MLYCD: variants seen among roughly 807,000 people sequenced by gnomAD.
The protein encoded by MLYCD is malonyl-CoA decarboxylase, mitochondrial.
A neutral mutation model predicts 35.8 loss-of-function variants in MLYCD; 27 were observed. The observed-to-expected ratio is 0.75, with a 90% CI of 0.56 to 1.04. The LOEUF is 1.04. Ranked by LOEUF, MLYCD falls within the 50% of genes least tolerant of loss-of-function variation. The probability of loss-of-function intolerance (pLI) is 0.00; values close to 1 mark genes in which losing one functional copy is unlikely to be tolerated. For synonymous variants in MLYCD, 403 were observed against 302.4 expected (o/e 1.33, Z -3.45); for missense variants, 917 against 665.1 (o/e 1.38, Z -4.17).
chr16:83,910,742 G>T (rs969178676), intron 3 of MLYCD, among the ~76,000 whole-genome samples: 2 of 151,744 alleles, frequency 1.3e-5, no homozygotes, highest in South Asian at 2.1e-4. Context: ...TGTGAAGTGA[G>T]CTCCGTCCTA....
chr16:83,907,373 C>T (rs1240596463), intron 2 of MLYCD, among the ~76,000 whole-genome samples: 1 of 152,150 alleles, frequency 6.6e-6, no homozygotes, highest in African/African-American at 2.4e-5. Flanking sequence ...TTAAAGCAAA[C>T]ACACCCATTT....
At chr16:83,904,788 A>G (rs1303057455) in intron 1 of MLYCD, among the ~76,000 whole-genome samples, 1 of 152,150 alleles carries the variant, frequency 6.6e-6, no homozygotes, top group African/African-American at 2.4e-5. Flanking sequence ...TCCAGTGCTG[A>G]GGGTCACCGT....
chr16:83,923,130 C>G lies in MLYCD; in HGVS notation c.*7641C>G, dbSNP rs1907704868. The G allele has an allele frequency of 6.6e-6, 1 of 152,278 alleles. No individual in the cohort carries two copies. Among genetic ancestry groups the G allele is most frequent in the Non-Finnish European group, 1.5e-5 (1 of 68,064 alleles). 9.4% of individuals were successfully genotyped at this position (152,278 alleles called of 1,614,324 possible). Reference sequence around the variant, plus strand: ...CTTCCCTCTGAGGGCTTGACCTTCACTGACCTCCAGGGCAAGAACAACCAA... The same window carrying G: ...CTTCCCTCTGAGGGCTTGACCTTCAGTGACCTCCAGGGCAAGAACAACCAA... On this transcript the variant is annotated 3_prime_UTR_variant, in exon 5 of 5. Transcript: ENST00000262430.
intron 1 of MLYCD, among the ~76,000 whole-genome samples, chr16:83,903,540 A>C (rs1254979717): frequency 6.6e-6 from 1 of 152,168 alleles, no homozygotes; most frequent in East Asian, 1.9e-4. Flanking sequence ...TTCACATACC[A>C]AAATAAGCAG....
Position 83,916,065 on chromosome 16 carries a change from G to T in MLYCD, c.*576G>T. On this transcript the variant is annotated 3_prime_UTR_variant, in exon 5 of 5. Coordinates refer to ENST00000262430, the MANE Select transcript of MLYCD (RefSeq NM_012213.3). ...GGTGTGTGTAGTAAGTTAAATTGTT[G>T]AACACAAAAATGTTGCTGCTTGAGG... 1.0e-6 allele frequency: 1 copy of T among 997,296 alleles called. No homozygotes were observed. The highest frequency in any genetic ancestry group is 1.2e-6 in the Non-Finnish European group (1 of 835,684). 61.8% of individuals were successfully genotyped at this position (997,296 alleles called of 1,614,324 possible). A position where few individuals can be genotyped will look rare whatever the true frequency, so the allele number is the denominator to read the frequency against.
chr16:83,902,388 G>T (rs544837027), intron 1 of MLYCD, among the ~76,000 whole-genome samples: 2 of 151,294 alleles, frequency 1.3e-5, no homozygotes, highest in East Asian at 3.9e-4. Context: ...GCTTAAATCA[G>T]TCTTAGAATA....
chr16:83,909,549 C>T (rs919721069), intron 3 of MLYCD, among the ~76,000 whole-genome samples: 17 of 151,616 alleles, frequency 1.1e-4, no homozygotes, highest in African/African-American at 4.1e-4. Flanking sequence ...GTGCTCTGTG[C>T]CTGTCAGTCT....
chr16:83,899,394 C>A lies in MLYCD; in HGVS notation c.250C>A (p.Arg84=). The A allele has an allele frequency of 6.5e-7, 1 of 1,527,308 alleles. No homozygotes were observed. Among genetic ancestry groups the A allele is most frequent in the Non-Finnish European group, 8.7e-7 (1 of 1,146,368 alleles). 94.6% of individuals were successfully genotyped at this position (1,527,308 alleles called of 1,614,324 possible). The change falls in exon 1 of 5, where the codon CGG becomes AGG. Residue 84 remains arginine (R), a synonymous_variant. Coordinates refer to ENST00000262430, the MANE Select transcript of MLYCD (RefSeq NM_012213.3). ...FYGGLAETAQ[R]AELLGRLARG... is the part of the protein sequence containing the mutation. Reference sequence around the variant, plus strand: ...CGGTGGGCTGGCCGAGACGGCCCAGCGGGCCGAACTGCTGGGCCGCCTGGC... The same window carrying A: ...CGGTGGGCTGGCCGAGACGGCCCAGAGGGCCGAACTGCTGGGCCGCCTGGC...
chr16:83,899,281 G>T lies in MLYCD; in HGVS notation c.137G>T (p.Arg46Leu). The stretch of plus-strand genomic sequence containing the variant: ...CGGGCCATGGACGAGCTGCTGCGCC[G>T]CGCGGTGCCGCCGACGCCGGCCTAC... ...LERAMDELLR[R>L]AVPPTPAYEL... Residue 46 changes from arginine (R) to leucine (L), a missense_variant, in exon 1 of 5, where the codon CGC becomes CTC. Arg to Leu is a moderately radical substitution (Grantham distance 102). Coordinates refer to ENST00000262430, the MANE Select transcript of MLYCD (RefSeq NM_012213.3). 1 of 1,471,708 alleles carries T rather than the reference G, an allele frequency of 6.8e-7. No homozygotes were observed. Among genetic ancestry groups the T allele is most frequent in the African/African-American group, 1.5e-5 (1 of 68,020 alleles). The allele number at this position is 1,471,708 out of a possible 1,614,324, so 91.2% of individuals were successfully genotyped here.
At chr16:83,908,014 A>T in intron 2 of MLYCD, 112 bp from the exon 3 acceptor site, 3 of 1,366,142 alleles carry the variant, frequency 2.2e-6, no homozygotes, top group Non-Finnish European at 3.1e-6. Flanking sequence ...AGAGTCCATT[A>T]AAGCTCTATT....
chr16:83,915,061 A>G lies in MLYCD; in HGVS notation c.1054A>G (p.Asn352Asp). 6.2e-7 allele frequency: 1 copy of G among 1,614,190 alleles called. No individual in the cohort carries two copies. The highest frequency in any genetic ancestry group is 8.5e-7 in the Non-Finnish European group (1 of 1,180,038). ...LNSQTKEHGRNELFTDSECKE... is the reference protein window; with the variant it reads ...LNSQTKEHGRDELFTDSECKE... ...CTCGCAAACGAAGGAGCATGGGAGGAATGAACTCTTTACAGATTCGGAATG... is the reference window on the plus strand; with the variant it reads ...CTCGCAAACGAAGGAGCATGGGAGGGATGAACTCTTTACAGATTCGGAATG... The change falls in exon 5 of 5, where the codon AAT (asparagine) becomes GAT (aspartate). Residue 352 changes from asparagine to aspartate, a missense_variant. By Grantham distance (23) the Asn-to-Asp change is conservative. Transcript: ENST00000262430.
At chr16:83,901,606 C>T (rs1472984487) in intron 1 of MLYCD, among the ~76,000 whole-genome samples, 2 of 152,196 alleles carry the variant, frequency 1.3e-5, no homozygotes, top group Admixed American at 1.3e-4. Flanking sequence ...ATTCTGAATT[C>T]TCTGGTTCTG....
intron 3 of MLYCD, among the ~76,000 whole-genome samples, chr16:83,910,307 A>G (rs532577413): frequency 6.6e-6 from 1 of 152,156 alleles, no homozygotes; most frequent in African/African-American, 2.4e-5. Flanking sequence ...AACCGAAGAA[A>G]GTTTTGTTTT....
rs1299355806 is a variant in MLYCD at position 83,899,285 on chromosome 16, G to T, written c.141G>T (p.Ala47=). 2 of 1,474,154 alleles carry T rather than the reference G, an allele frequency of 1.4e-6. No individual in the cohort carries two copies. The highest frequency in any genetic ancestry group is 1.3e-5 in the South Asian group (1 of 78,282). 91.3% of individuals were successfully genotyped at this position (1,474,154 alleles called of 1,614,324 possible). The change falls in exon 1 of 5, where the codon GCG becomes GCT. Residue 47 remains alanine, a synonymous_variant. Coordinates refer to ENST00000262430, the MANE Select transcript of MLYCD (RefSeq NM_012213.3). ...ERAMDELLRR[A]VPPTPAYELR... ...CCATGGACGAGCTGCTGCGCCGCGC[G>T]GTGCCGCCGACGCCGGCCTACGAGC...
chr16:83,899,195 G>T lies in MLYCD; in HGVS notation c.51G>T (p.Arg17=). Residue 17 remains arginine (R), a synonymous_variant, in exon 1 of 5, where the codon CGG becomes CGT. Coordinates refer to ENST00000262430, the MANE Select transcript of MLYCD (RefSeq NM_012213.3). ...CGGCCAGGCGTCTCCTCCCGCTGCG[G>T]TTGCCCCCGCGGCCGCCCGGGCCCC... ...GLTARRLLPL[R]LPPRPPGPRL... The T allele has an allele frequency of 8.5e-7, 1 of 1,177,124 alleles. No homozygotes were observed. Among genetic ancestry groups the T allele is most frequent in the Non-Finnish European group, 1.0e-6 (1 of 956,598 alleles). 72.9% of individuals were successfully genotyped at this position (1,177,124 alleles called of 1,614,324 possible).
In MLYCD at chr16:83,926,116, C is replaced by T. The variant is rs564204897; in HGVS notation, c.*10627C>T. On this transcript the variant is annotated 3_prime_UTR_variant, in exon 5 of 5. Coordinates refer to ENST00000262430, the MANE Select transcript of MLYCD (RefSeq NM_012213.3). Reference sequence around the variant, plus strand: ...CACTCCTTGCCCAGGGTTCCACAGCCCCTTAAAGGCAGGGTCTTTCTGGCC... The same window carrying T: ...CACTCCTTGCCCAGGGTTCCACAGCTCCTTAAAGGCAGGGTCTTTCTGGCC... The T allele has an allele frequency of 3.5e-4, 53 of 152,438 alleles. No homozygotes were observed. Among genetic ancestry groups the T allele is most frequent in the Middle Eastern group, 3.4e-3 (1 of 294 alleles). 9.4% of individuals were successfully genotyped at this position (152,438 alleles called of 1,614,324 possible).
Position 83,924,436 on chromosome 16 carries a change from G to A in MLYCD, c.*8947G>A, listed in dbSNP as rs1425543168. 1 of 152,244 alleles carries A rather than the reference G, an allele frequency of 6.6e-6. No homozygotes were observed. The highest frequency in any genetic ancestry group is 1.5e-5 in the Non-Finnish European group (1 of 68,076). The allele number at this position is 152,244 out of a possible 1,614,324, so 9.4% of individuals were successfully genotyped here. A position where few individuals can be genotyped will look rare whatever the true frequency, so the allele number is the denominator to read the frequency against. On this transcript the variant is annotated 3_prime_UTR_variant, in exon 5 of 5. Coordinates refer to ENST00000262430, the MANE Select transcript of MLYCD (RefSeq NM_012213.3). Reference sequence around the variant, plus strand: ...CCACCCAGCAGGAGCGCTTGCTTCTGAAGCTCCCGTGCGTCTGTGACAGAG... The same window carrying A: ...CCACCCAGCAGGAGCGCTTGCTTCTAAAGCTCCCGTGCGTCTGTGACAGAG...
rs1314379615 is a variant in MLYCD at position 83,921,565 on chromosome 16, C to T, written c.*6076C>T. On this transcript the variant is annotated 3_prime_UTR_variant, in exon 5 of 5. Coordinates refer to ENST00000262430, the MANE Select transcript of MLYCD (RefSeq NM_012213.3). ...TAGGATGGGTGGATGGATGTATTAACATCCCTTCTCCATGCCTCAGTCCCC... is the reference window on the plus strand; with the variant it reads ...TAGGATGGGTGGATGGATGTATTAATATCCCTTCTCCATGCCTCAGTCCCC... 1 of 152,164 alleles carries T rather than the reference C, an allele frequency of 6.6e-6. No homozygotes were observed. The highest frequency in any genetic ancestry group is 1.5e-5 in the Non-Finnish European group (1 of 68,038). 9.4% of individuals were successfully genotyped at this position (152,164 alleles called of 1,614,324 possible).
intron 1 of MLYCD, among the ~76,000 whole-genome samples, chr16:83,904,992 C>T (rs189556891): frequency 1.3e-5 from 2 of 152,324 alleles, no homozygotes; most frequent in Admixed American, 1.3e-4. Context: ...AAGGAGACCT[C>T]ATCTCCTTCC....
Sources: gnomAD v4.1 joint callset for allele counts (sites outside exome capture counted in the v4.1 genomes callset) on GRCh38, gnomAD v4.1.1 for gene constraint, MANE v1.5 for transcripts, NCBI Gene and HGNC (gene_info 2026-07-23, HGNC 2026-07-21) for gene names.